Variants in GALNT10 observed in about 807,000 individuals in gnomAD.
GALNT10 encodes the protein polypeptide N-acetylgalactosaminyltransferase 10.
In GALNT10, 41 loss-of-function variants were observed where a neutral mutation model predicts 75.0. That is an observed-to-expected ratio of 0.55 (90% CI 0.43 to 0.71). GALNT10 has a LOEUF of 0.71. Among genes scored for constraint, GALNT10 ranks in the 30% least tolerant of loss-of-function variants. The pLI, the probability that GALNT10 is intolerant of heterozygous loss-of-function variation, is 0.00. For synonymous variants in GALNT10, 302 were observed against 313.0 expected (o/e 0.96, Z 0.37); for missense variants, 727 against 818.5 (o/e 0.89, Z 1.36).
chr5:154,286,329 A>T (rs1754110402), intron 1 of GALNT10, among the ~76,000 whole-genome samples: 1 of 151,830 alleles, frequency 6.6e-6, no homozygotes, highest in South Asian at 2.1e-4. Flanking sequence ...GGACAGATGG[A>T]TTGATAGGTA....
chr5:154,270,758 G>C (rs13167333), intron 1 of GALNT10, among the ~76,000 whole-genome samples: 61,449 of 151,578 alleles, frequency 0.41, 14,710 homozygotes, highest in East Asian at 0.76. Flanking sequence ...ACTTTGGGAG[G>C]CTGAATGGAC....
chr5:154,391,823 C>G (rs1755902342), intron 7 of GALNT10, among the ~76,000 whole-genome samples: 1 of 152,098 alleles, frequency 6.6e-6, no homozygotes, highest in African/African-American at 2.4e-5. Flanking sequence ...TGGCTTCCCT[C>G]TCAGGTGGGC....
At chr5:154,315,500 GCT>G (rs1372984974) in intron 3 of GALNT10, among the ~76,000 whole-genome samples, 23 of 152,222 alleles carry the variant, frequency 1.5e-4, no homozygotes, top group African/African-American at 5.5e-4. Context: ...CCTCTGTGTA[GCT>G]CTGTCTGCTC....
intron 4 of GALNT10, among the ~76,000 whole-genome samples, chr5:154,353,288 A>G (rs1171023566): frequency 6.6e-6 from 1 of 151,738 alleles, no homozygotes; most frequent in Non-Finnish European, 1.5e-5. Flanking sequence ...TTGCAATGAC[A>G]CCACCCCCCG....
chr5:154,322,487 C>G (rs565731586), intron 3 of GALNT10, among the ~76,000 whole-genome samples: 1 of 152,220 alleles, frequency 6.6e-6, no homozygotes, highest in South Asian at 2.1e-4. Flanking sequence ...AAACCCATCT[C>G]CAGGTCCTTA....
intron 5 of GALNT10, among the ~76,000 whole-genome samples, chr5:154,379,720 A>G (rs902590102): frequency 1.3e-5 from 2 of 152,190 alleles, no homozygotes; most frequent in Non-Finnish European, 2.9e-5. Flanking sequence ...ACCATAAGCC[A>G]TCTAAGTCAA....
intron 1 of GALNT10, among the ~76,000 whole-genome samples, chr5:154,206,728 G>A (rs991607801): frequency 1.1e-4 from 16 of 152,252 alleles, no homozygotes; most frequent in African/African-American, 3.4e-4. Flanking sequence ...AACTTCACGT[G>A]TCTGTTAGAG....
At chr5:154,386,912 G>A (rs1450723269) in intron 7 of GALNT10, 1 of 179,568 alleles carries the variant, frequency 5.6e-6, no homozygotes, top group African/African-American at 2.4e-5. Flanking sequence ...AAGTTACAAA[G>A]GCCTGGATTC....
At chr5:154,221,917 A>C (rs1752985568) in intron 1 of GALNT10, among the ~76,000 whole-genome samples, 1 of 152,120 alleles carries the variant, frequency 6.6e-6, no homozygotes, top group Admixed American at 6.5e-5. Flanking sequence ...TTGTTTTTTA[A>C]AGGATTTTTT....
At chr5:154,389,397 C>G in intron 7 of GALNT10, 1 of 151,932 alleles carries the variant, frequency 6.6e-6, no homozygotes, top group Non-Finnish European at 1.5e-5. Flanking sequence ...GCCTGGCCAA[C>G]ATTGTGAAAC....
intron 1 of GALNT10, among the ~76,000 whole-genome samples, chr5:154,219,064 T>C (rs1300613526): frequency 6.6e-6 from 1 of 152,210 alleles, no homozygotes; most frequent in Non-Finnish European, 1.5e-5. Context: ...CTTCTTGCTA[T>C]GGCTGCTCAG....
intron 1 of GALNT10, among the ~76,000 whole-genome samples, chr5:154,218,726 G>A (rs961331477): frequency 6.6e-6 from 1 of 151,984 alleles, no homozygotes; most frequent in Non-Finnish European, 1.5e-5. Flanking sequence ...GACAGAATTG[G>A]GGGGAGAGGG....
chr5:154,282,041 G>A (rs570042272), intron 1 of GALNT10, among the ~76,000 whole-genome samples: 2 of 152,332 alleles, frequency 1.3e-5, no homozygotes, highest in African/African-American at 4.8e-5. Context: ...AAGAAAAGAA[G>A]CGTATTTGGT....
rs913720779 is a variant in GALNT10, at chr5:154,352,835, A to G, written c.568+23097A>G. Among the ~76,000 whole-genome samples the G allele has an allele frequency of 1.3e-5, 2 of 152,212 alleles. No homozygotes were observed. The highest frequency in any genetic ancestry group is 4.8e-5 in the African/African-American group (2 of 41,454). On this transcript the variant is annotated intron_variant, in intron 4 of 11. Transcript: ENST00000297107. This position sits in a 1 kb window ranked among gnomAD's most constrained non-coding sequence, Gnocchi z 4.4. The stretch of plus-strand genomic sequence containing the variant: ...AACCTTGACCACCCCGCGGTCTTGC[A>G]TCGGGACATGGCTATGGCAGGGAAG...
At chr5:154,253,198 T>C (rs981284657) in intron 1 of GALNT10, among the ~76,000 whole-genome samples, 2 of 152,042 alleles carry the variant, frequency 1.3e-5, no homozygotes, top group African/African-American at 2.4e-5. Context: ...TTTGTGACCA[T>C]GTCTTTCAGG....
rs1474645424 is a variant in GALNT10, at chr5:154,352,764, G to A, written c.568+23026G>A. 2.6e-5 allele frequency among the ~76,000 whole-genome samples: 4 copies of A among 152,188 alleles called. No homozygotes were observed. The highest frequency in any genetic ancestry group is 4.4e-5 in the Non-Finnish European group (3 of 68,036). ...CCATTTAGTAGTGTGTGATGCTACA[G>A]AGCCCTTTAAATTGTGTTAATTGAG... On this transcript the variant is annotated intron_variant, in intron 4 of 11. Transcript: ENST00000297107. This position sits in a 1 kb window ranked among gnomAD's most constrained non-coding sequence, Gnocchi z 4.4.
At chr5:154,372,547 G>A (rs946336881) in intron 4 of GALNT10, among the ~76,000 whole-genome samples, 1 of 152,192 alleles carries the variant, frequency 6.6e-6, no homozygotes, top group Non-Finnish European at 1.5e-5. Context: ...AAGTACATAA[G>A]TAAGAACAGA....
intron 1 of GALNT10, among the ~76,000 whole-genome samples, chr5:154,211,669 G>A (rs1202457580): frequency 6.6e-6 from 1 of 152,150 alleles, no homozygotes; most frequent in African/African-American, 2.4e-5. Flanking sequence ...TCTCTCATGA[G>A]GTCGCTATCA....
chr5:154,380,963 C>T (rs1277211750), intron 6 of GALNT10, among the ~76,000 whole-genome samples: 2 of 152,156 alleles, frequency 1.3e-5, no homozygotes, highest in African/African-American at 4.8e-5. Flanking sequence ...AAGTGCCCAG[C>T]CCAGTACTAA....
Sources: allele counts gnomAD v4.1 joint callset (sites outside exome capture counted in the v4.1 genomes callset), GRCh38; gene constraint gnomAD v4.1.1; non-coding constraint Gnocchi (gnomAD v3.1); transcripts MANE v1.5; gene names NCBI Gene and HGNC (gene_info 2026-07-23, HGNC 2026-07-21).